The following GUCA1C variants were observed in gnomAD, a reference collection of about 807,000 sequenced individuals.
GUCA1C encodes the protein guanylate cyclase activator 1C.
Under a neutral mutation model 16.2 loss-of-function variants are expected in GUCA1C, and 15 were observed. The ratio of observed to expected loss-of-function variants is 0.93; its 90% CI spans 0.62 to 1.43. GUCA1C has a LOEUF of 1.43. Among genes scored for constraint, GUCA1C ranks in the 40% most tolerant of loss-of-function variants. The pLI is 0.00. For missense variants in GUCA1C, 275 were observed against 244.8 expected (o/e 1.12, Z -0.82); for synonymous variants, 78 against 85.4 (o/e 0.91, Z 0.48).
chr3:108,932,165 C>G (rs576262160), intron 1 of GUCA1C, among the ~76,000 whole-genome samples: 34 of 151,676 alleles, frequency 2.2e-4, no homozygotes, highest in Admixed American at 1.3e-3. Flanking sequence ...CACTCTTAAG[C>G]TCACGTTTCC....
intron 2 of GUCA1C, among the ~76,000 whole-genome samples, chr3:108,918,497 G>C (rs781061795): frequency 2.0e-5 from 3 of 152,130 alleles, no homozygotes; most frequent in Admixed American, 2.0e-4. Flanking sequence ...TCACTGCTGT[G>C]GCCCTCAAAT....
chr3:108,936,451 A>G (rs1462482051), intron 1 of GUCA1C, among the ~76,000 whole-genome samples: 2 of 152,198 alleles, frequency 1.3e-5, no homozygotes, highest in Non-Finnish European at 2.9e-5. Flanking sequence ...TTCTTACTTT[A>G]CAGAGAATAA....
chr3:108,953,844 A>G lies in GUCA1C; in HGVS notation c.-82T>C. On this transcript the variant is annotated 5_prime_UTR_variant, in exon 1 of 4. Coordinates refer to ENST00000261047, the MANE Select transcript of GUCA1C (RefSeq NM_005459.4). ...ATTTAGTCCCTTACTCCTCACTAAA[A>G]CTGAAGGCTAACATATGCCCTCAGA... The G allele has an allele frequency of 1.1e-6, 1 of 902,500 alleles. No homozygotes were observed. The highest frequency in any genetic ancestry group is 2.4e-5 in the East Asian group (1 of 41,406). 55.9% of individuals were successfully genotyped at this position (902,500 alleles called of 1,614,324 possible). A position where few individuals can be genotyped will look rare whatever the true frequency, so the allele number is the denominator to read the frequency against.
intron 1 of GUCA1C, among the ~76,000 whole-genome samples, chr3:108,937,827 C>T (rs1946742658): frequency 6.6e-6 from 1 of 152,172 alleles, no homozygotes; most frequent in Non-Finnish European, 1.5e-5. Flanking sequence ...AATCCCAGCA[C>T]TTTGGGAGGC....
chr3:108,939,081 A>T (rs1228628072), intron 1 of GUCA1C, among the ~76,000 whole-genome samples: 1 of 152,134 alleles, frequency 6.6e-6, no homozygotes, highest in Non-Finnish European at 1.5e-5. Context: ...CCTCAGGTAG[A>T]CATTATGGGC....
Position 108,907,844 on chromosome 3 carries a change from A to G in GUCA1C, c.*178T>C, listed in dbSNP as rs1946407828. On this transcript the variant is annotated 3_prime_UTR_variant, in exon 4 of 4. Transcript: ENST00000261047. Reference sequence around the variant, plus strand: ...GCAGAGACAGCACAGAAAAGCAACAATGCATCTGTTTAGGATCTTTATGCA... The same window carrying G: ...GCAGAGACAGCACAGAAAAGCAACAGTGCATCTGTTTAGGATCTTTATGCA... 1 of 554,184 alleles carries G rather than the reference A, an allele frequency of 1.8e-6. No individual in the cohort carries two copies. The highest frequency in any genetic ancestry group is 2.7e-5 in the South Asian group (1 of 36,562). 34.3% of individuals were successfully genotyped at this position (554,184 alleles called of 1,614,324 possible).
chr3:108,916,702 C>G (rs1576544909), intron 2 of GUCA1C, among the ~76,000 whole-genome samples: 1 of 152,270 alleles, frequency 6.6e-6, no homozygotes, highest in Middle Eastern at 3.4e-3. Context: ...ACTGGGGAGA[C>G]AGATATATAC....
intron 2 of GUCA1C, among the ~76,000 whole-genome samples, chr3:108,916,610 A>C (rs1004447237): frequency 6.6e-6 from 1 of 152,210 alleles, no homozygotes; most frequent in African/African-American, 2.4e-5. Flanking sequence ...GGATGACCAC[A>C]ATGCTGTAAG....
chr3:108,912,054 C>T (rs1329014564), intron 3 of GUCA1C, among the ~76,000 whole-genome samples: 1 of 149,572 alleles, frequency 6.7e-6, no homozygotes, highest in Non-Finnish European at 1.5e-5. Flanking sequence ...TGCAGTGAGC[C>T]GAGTAGTGCC....
intron 1 of GUCA1C, among the ~76,000 whole-genome samples, chr3:108,931,290 T>C (rs1176343182): frequency 6.6e-6 from 1 of 152,188 alleles, no homozygotes; most frequent in Non-Finnish European, 1.5e-5. Context: ...TTAGAACATT[T>C]GATATTTTAT....
chr3:108,955,004 T>C (rs1186842715), upstream of GUCA1C, among the ~76,000 whole-genome samples: 1 of 152,150 alleles, frequency 6.6e-6, no homozygotes, highest in Non-Finnish European at 1.5e-5. Flanking sequence ...AGTGCTGGGA[T>C]TACAGGCACA....
chr3:108,953,611 T>C lies in GUCA1C; in HGVS notation c.152A>G (p.Gln51Arg). ...KTLLGLQGLNQKANKHIDQVY... is the reference protein window; with the variant it reads ...KTLLGLQGLNRKANKHIDQVY... ...TTGATCAATATGTTTATTGGCCTTC[T>C]GATTCAGACCTTGCAGACCCAAAAG... The change falls in exon 1 of 4, where the codon CAG becomes CGG. Residue 51 changes from glutamine (Q) to arginine (R), a missense_variant. By Grantham distance (43) the Gln-to-Arg change is conservative. Transcript: ENST00000261047. 1 of 1,613,196 alleles carries C rather than the reference T, an allele frequency of 6.2e-7. No individual in the cohort carries two copies. The highest frequency in any genetic ancestry group is 8.5e-7 in the Non-Finnish European group (1 of 1,179,128).
chr3:108,909,686 C>T (rs529981558), intron 3 of GUCA1C, among the ~76,000 whole-genome samples: 1 of 152,230 alleles, frequency 6.6e-6, no homozygotes, highest in South Asian at 2.1e-4. Flanking sequence ...AGCTGAAAAG[C>T]AATACAGGTT....
At chr3:108,922,251 T>A (rs1003915709) in intron 1 of GUCA1C, among the ~76,000 whole-genome samples, 3 of 152,088 alleles carry the variant, frequency 2.0e-5, no homozygotes, top group Admixed American at 1.3e-4. Flanking sequence ...TGACAGGCAT[T>A]TAAGCTGGTT....
chr3:108,922,966 C>G (rs1946583704), intron 1 of GUCA1C, among the ~76,000 whole-genome samples: 2 of 152,090 alleles, frequency 1.3e-5, no homozygotes, highest in South Asian at 4.1e-4. Flanking sequence ...TCATCCATGT[C>G]CCTGCAAAGG....
intron 1 of GUCA1C, among the ~76,000 whole-genome samples, chr3:108,935,771 C>A (rs1360128570): frequency 6.6e-6 from 1 of 151,978 alleles, no homozygotes; most frequent in African/African-American, 2.4e-5. Flanking sequence ...TTTTTCCTTT[C>A]TACCATTAAA....
At chr3:108,922,202 C>CACAT (rs1255095633) in intron 1 of GUCA1C, among the ~76,000 whole-genome samples, 8 of 44,340 alleles carry the variant, frequency 1.8e-4, no homozygotes, top group African/African-American at 2.7e-4. Flanking sequence ...CACACACACA[C>CACAT]ATATATATAT....
At chr3:108,934,212 C>A (rs1946698395) in intron 1 of GUCA1C, among the ~76,000 whole-genome samples, 1 of 152,070 alleles carries the variant, frequency 6.6e-6, no homozygotes, top group East Asian at 1.9e-4. Context: ...AGCATTAGGA[C>A]AAATACATAA....
At chr3:108,929,603 T>C (rs1270553547) in intron 1 of GUCA1C, among the ~76,000 whole-genome samples, 1 of 152,186 alleles carries the variant, frequency 6.6e-6, no homozygotes, top group Admixed American at 6.5e-5. Flanking sequence ...TAGATATTCT[T>C]TATCAAGTTG....
Sources: allele counts gnomAD v4.1 joint callset (sites outside exome capture counted in the v4.1 genomes callset), GRCh38; gene constraint gnomAD v4.1.1; transcripts MANE v1.5; gene names NCBI Gene and HGNC (gene_info 2026-07-23, HGNC 2026-07-21).